Variants in MED12L observed in about 807,000 individuals in gnomAD.
MED12L encodes mediator complex subunit 12L, also known as mediator of RNA polymerase II transcription subunit 12-like protein.
In MED12L, 60 loss-of-function variants were observed where a neutral mutation model predicts 281.3. The observed-to-expected ratio is 0.21, with a 90% CI of 0.17 to 0.26. The LOEUF (loss-of-function observed/expected upper bound fraction) is 0.26, where lower values mean the gene tolerates loss of function less well. MED12L is among the 10% of genes least tolerant of loss of function. MED12L has a pLI of 1.00. For synonymous variants in MED12L, 974 were observed against 987.2 expected, an observed-to-expected ratio of 0.99 and a Z score of 0.25; for missense variants, 2,146 against 2,680.9, an observed-to-expected ratio of 0.80 and a Z score of 4.41.
intron 17 of MED12L, 134 bp from the exon 18 acceptor site, chr3:151,354,987 A>G: frequency 1.4e-6 from 1 of 698,278 alleles, no homozygotes; most frequent in South Asian, 1.7e-5. Context: ...CTTATTGTGT[A>G]TTTATTTTAT....
At chr3:151,315,695 T>C (rs974804553) in intron 16 of MED12L, among the ~76,000 whole-genome samples, 1 of 152,112 alleles carries the variant, frequency 6.6e-6, no homozygotes, top group South Asian at 2.1e-4. Context: ...GTGTCTGGCT[T>C]TTTTCCCCCC....
intron 16 of MED12L, 131 bp downstream of exon 16, chr3:151,193,797 G>C: frequency 1.4e-6 from 1 of 735,396 alleles, no homozygotes; most frequent in South Asian, 2.0e-5. Flanking sequence ...ATTTGCTCCT[G>C]CTTCTGTTCT....
chr3:151,365,866 A>G lies in MED12L; in HGVS notation c.3202A>G (p.Asn1068Asp). 1.2e-6 allele frequency: 2 copies of G among 1,610,164 alleles called. No individual in the cohort carries two copies. Among genetic ancestry groups the G allele is most frequent in the Non-Finnish European group, 1.7e-6 (2 of 1,178,108 alleles). ...QDAGRINDIANFSSELTACCT... is the reference protein window; with the variant it reads ...QDAGRINDIADFSSELTACCT... ...CTTTTCTAGGATTAACGACATAGCCAATTTCTCCTCTGAGCTTACGGCTTG... is the reference window on the plus strand; with the variant it reads ...CTTTTCTAGGATTAACGACATAGCCGATTTCTCCTCTGAGCTTACGGCTTG... The change falls in exon 23 of 45, where the codon AAT becomes GAT. Residue 1068 changes from asparagine (N) to aspartate (D), a missense_variant. Physicochemically the swap from Asn to Asp is conservative, Grantham distance 23 (BLOSUM62 1). Transcript: ENST00000687756.
intron 16 of MED12L, among the ~76,000 whole-genome samples, chr3:151,306,221 A>G (rs867665975): frequency 6.6e-6 from 1 of 152,114 alleles, no homozygotes; most frequent in African/African-American, 2.4e-5. Flanking sequence ...TTTTTCTTGT[A>G]TTACTGACCA....
At chr3:151,125,695 C>G (rs765500632) in intron 4 of MED12L, among the ~76,000 whole-genome samples, 9 of 152,300 alleles carry the variant, frequency 5.9e-5, no homozygotes, top group Middle Eastern at 6.8e-3. Context: ...GGGTCTTGAA[C>G]TGAATATTGA....
chr3:151,288,359 C>G (rs1407489556), intron 16 of MED12L, among the ~76,000 whole-genome samples: 2 of 152,158 alleles, frequency 1.3e-5, no homozygotes, highest in African/African-American at 4.8e-5. Context: ...TGTATTTTTT[C>G]TGGTTTAATA....
At chr3:151,393,100 G>A (rs4680405) in intron 38 of MED12L, among the ~76,000 whole-genome samples, 65,428 of 151,928 alleles carry the variant, frequency 0.43, 14,265 homozygotes, top group Middle Eastern at 0.49. Context: ...GAAGAAGATG[G>A]CTGAGGCAAA....
chr3:151,116,433 C>T lies in MED12L; in HGVS notation c.195C>T (p.Asn65=), dbSNP rs756808733. 30 of 1,606,672 alleles carry T rather than the reference C, an allele frequency of 1.9e-5. 1 individual carries two copies. In the South Asian group the frequency reaches 3.2e-4, roughly 17 times the overall value. The stretch of plus-strand genomic sequence containing the variant: ...GCTCAGCCAGAAATATTGTAATTAA[C>T]CCATCAAAGGTAATGTTATTTGTTT... ...EHGSARNIVI[N]PSKIGAYFSS... is the part of the protein sequence containing the mutation. The change falls in exon 3 of 45, where the codon AAC becomes AAT. Residue 65 remains asparagine, a synonymous_variant. Coordinates refer to ENST00000687756, the MANE Select transcript of MED12L (RefSeq NM_001393769.1).
chr3:151,178,596 C>T (rs1051009806), intron 11 of MED12L, among the ~76,000 whole-genome samples: 6 of 152,178 alleles, frequency 3.9e-5, no homozygotes, highest in Non-Finnish European at 8.8e-5. Context: ...TTCATTTCCA[C>T]GAGTTATGTT....
intron 9 of MED12L, among the ~76,000 whole-genome samples, chr3:151,164,297 G>A (rs930078834): frequency 3.3e-5 from 5 of 152,142 alleles, no homozygotes; most frequent in Non-Finnish European, 7.4e-5. Context: ...TGTAATTATG[G>A]TGGTGGTTCT....
At chr3:151,303,577 A>G (rs1746237460) in intron 16 of MED12L, among the ~76,000 whole-genome samples, 1 of 152,216 alleles carries the variant, frequency 6.6e-6, no homozygotes, top group African/African-American at 2.4e-5. Flanking sequence ...AGCCTGGCCA[A>G]CATGGTGAAA....
At chr3:151,143,279 A>G (rs774229407) in intron 5 of MED12L, among the ~76,000 whole-genome samples, 11 of 152,338 alleles carry the variant, frequency 7.2e-5, no homozygotes, top group Non-Finnish European at 1.0e-4. Flanking sequence ...TTAGCTGTCT[A>G]AAGCTTGTTC....
At chr3:151,329,012 T>TA (rs767769751) in intron 16 of MED12L, 1 of 1,571,624 alleles carries the variant, frequency 6.4e-7, no homozygotes, top group Non-Finnish European at 8.6e-7. Flanking sequence ...TGTCACCTGT[T>TA]ACCAATAAAC....
intron 16 of MED12L, among the ~76,000 whole-genome samples, chr3:151,313,374 T>C (rs560829646): frequency 2.0e-5 from 3 of 152,326 alleles, no homozygotes; most frequent in African/African-American, 7.2e-5. Flanking sequence ...TATATCATTT[T>C]ACATATGAAA....
chr3:151,100,723 G>C (rs1414633283), intron 2 of MED12L, among the ~76,000 whole-genome samples: 2 of 151,896 alleles, frequency 1.3e-5, no homozygotes, highest in African/African-American at 4.8e-5. Context: ...TCTTGAAAAA[G>C]ATTCTTTATG....
intron 39 of MED12L, among the ~76,000 whole-genome samples, chr3:151,401,224 A>C (rs554779054): frequency 6.6e-6 from 1 of 151,556 alleles, no homozygotes; most frequent in South Asian, 2.1e-4. Flanking sequence ...TACGAATATT[A>C]ATATGTTATT....
At position 151,388,010 on chromosome 3, in the gene MED12L, G is replaced by T. The variant is rs934589658; in HGVS notation, c.5289G>T (p.Leu1763=). The change falls in exon 37 of 45, where the codon CTG becomes CTT. Residue 1763 remains leucine, a synonymous_variant. Transcript: ENST00000687756. ...CCCGCAGTTACTACCTCCAGCCACTGCCCCTGCCTCCTGAGGAGGAAGAGG... is the reference window on the plus strand; with the variant it reads ...CCCGCAGTTACTACCTCCAGCCACTTCCCCTGCCTCCTGAGGAGGAAGAGG... The part of the protein sequence containing the change: ...PKPRSYYLQP[L]PLPPEEEEEE... 3 of 1,614,044 alleles carry T rather than the reference G, an allele frequency of 1.9e-6. No homozygotes were observed. The highest frequency in any genetic ancestry group is 2.7e-5 in the African/African-American group (2 of 75,010).
chr3:151,388,195 A>T, intron 37 of MED12L, 23 bp downstream of exon 37: 1 of 1,565,722 alleles, frequency 6.4e-7, no homozygotes, highest in Non-Finnish European at 8.6e-7. Flanking sequence ...AGGAAGGAGA[A>T]CCTTGGCTCA....
intron 16 of MED12L, among the ~76,000 whole-genome samples, chr3:151,235,649 G>A (rs950478719): frequency 2.6e-5 from 4 of 151,986 alleles, no homozygotes; most frequent in Non-Finnish European, 2.9e-5. Flanking sequence ...AGCTGAGGTC[G>A]CGCCACTGCA....
Sources: allele counts gnomAD v4.1 joint callset (sites outside exome capture counted in the v4.1 genomes callset), GRCh38; gene constraint gnomAD v4.1.1; transcripts MANE v1.5; gene names NCBI Gene and HGNC (gene_info 2026-07-23, HGNC 2026-07-21).